FSHR: variants seen among roughly 807,000 people sequenced by gnomAD.
FSHR encodes follicle stimulating hormone receptor, also known as follicle-stimulating hormone receptor.
In FSHR, 46 loss-of-function variants were observed where a neutral mutation model predicts 52.1. That is an observed-to-expected ratio of 0.88 (90% CI 0.70 to 1.13). The LOEUF (loss-of-function observed/expected upper bound fraction) is 1.13. FSHR is among the 50% of genes most tolerant of loss of function. The probability of loss-of-function intolerance (pLI) is 0.00; values close to 1 mark genes in which losing one functional copy is unlikely to be tolerated. For synonymous variants in FSHR, 399 were observed against 309.6 expected, an observed-to-expected ratio of 1.29 and a Z score of -3.03; for missense variants, 964 against 834.6, an observed-to-expected ratio of 1.16 and a Z score of -1.91.
chr2:49,100,045 C>T (rs373164130), intron 1 of FSHR, among the ~76,000 whole-genome samples: 16 of 152,106 alleles, frequency 1.1e-4, no homozygotes, highest in East Asian at 9.7e-4. Flanking sequence ...AGCTCACTTT[C>T]GTAGAGCTTA....
At chr2:49,069,846 G>A (rs1195201873) in intron 1 of FSHR, among the ~76,000 whole-genome samples, 1 of 152,142 alleles carries the variant, frequency 6.6e-6, no homozygotes, top group African/African-American at 2.4e-5. Flanking sequence ...CTTTTACAAG[G>A]CAGTCTGTGA....
intron 2 of FSHR, among the ~76,000 whole-genome samples, chr2:49,037,530 A>T (rs1280218814): frequency 6.6e-6 from 1 of 152,222 alleles, no homozygotes; most frequent in Non-Finnish European, 1.5e-5. Context: ...AGTAACTTTA[A>T]TTGCTCAAAG....
chr2:49,011,510 T>A (rs893926966), intron 4 of FSHR, among the ~76,000 whole-genome samples: 12 of 152,098 alleles, frequency 7.9e-5, no homozygotes, highest in Admixed American at 1.3e-4. Flanking sequence ...ATTCTGTTGA[T>A]TTGGGGTGGA....
At chr2:49,142,714 T>C (rs992918022) in intron 1 of FSHR, among the ~76,000 whole-genome samples, 1 of 152,084 alleles carries the variant, frequency 6.6e-6, no homozygotes, top group African/African-American at 2.4e-5. Flanking sequence ...ATGGAAAAGG[T>C]AGGGGACATT....
chr2:48,966,143 T>A (rs1674468081), intron 9 of FSHR, among the ~76,000 whole-genome samples: 4 of 152,166 alleles, frequency 2.6e-5, no homozygotes. Context: ...ATTGTGGGAA[T>A]TAAATGAAAT....
In FSHR at chr2:49,111,259, G is replaced by A. The variant is rs531590066; in HGVS notation, c.153-42969C>T. On this transcript the variant is annotated intron_variant, in intron 1 of 9. Transcript: ENST00000406846. Reference sequence around the variant, plus strand: ...ATTACTTTATTCCTTCCCAGTAACTGTTCTGCCTCCTGAGCTCTTTTTTGG... The same window carrying A: ...ATTACTTTATTCCTTCCCAGTAACTATTCTGCCTCCTGAGCTCTTTTTTGG... 3.9e-5 allele frequency among the ~76,000 whole-genome samples: 6 copies of A among 152,272 alleles called. No individual in the cohort carries two copies. The South Asian group carries it at 8.3e-4, about 21-fold the overall frequency.
chr2:49,005,410 C>T (rs190723214), intron 4 of FSHR, among the ~76,000 whole-genome samples: 2 of 152,132 alleles, frequency 1.3e-5, no homozygotes, highest in Non-Finnish European at 2.9e-5. Context: ...TTGTAAATCT[C>T]GATTGTGCCC....
At chr2:49,015,336 G>C (rs1346862454) in intron 4 of FSHR, among the ~76,000 whole-genome samples, 1 of 152,188 alleles carries the variant, frequency 6.6e-6, no homozygotes, top group East Asian at 1.9e-4. Context: ...TTAATCGGCA[G>C]CATAATTATT....
chr2:48,970,929 T>C (rs1015130787), intron 8 of FSHR, among the ~76,000 whole-genome samples: 2 of 152,202 alleles, frequency 1.3e-5, no homozygotes, highest in African/African-American at 2.4e-5. Context: ...ATCAGCCTAC[T>C]TCCCTCCTCT....
At chr2:49,077,020 T>TA (rs1163341245) in intron 1 of FSHR, among the ~76,000 whole-genome samples, 1 of 152,172 alleles carries the variant, frequency 6.6e-6, no homozygotes, top group Admixed American at 6.5e-5. Flanking sequence ...TCGGTGGATC[T>TA]ACCATTCTGG....
At chr2:49,077,481 G>T (rs1006465850) in intron 1 of FSHR, among the ~76,000 whole-genome samples, 1 of 152,182 alleles carries the variant, frequency 6.6e-6, no homozygotes, top group African/African-American at 2.4e-5. Context: ...GAGAGCAGCT[G>T]CTGTGAAGAT....
intron 1 of FSHR, among the ~76,000 whole-genome samples, chr2:49,080,197 A>T (rs1670115455): frequency 6.6e-6 from 1 of 152,204 alleles, no homozygotes; most frequent in Admixed American, 6.6e-5. Flanking sequence ...AAAATCCCAC[A>T]GTATCCATGC....
At chr2:48,992,903 T>C (rs953078029) in intron 4 of FSHR, among the ~76,000 whole-genome samples, 16 of 152,172 alleles carry the variant, frequency 1.1e-4, no homozygotes, top group Non-Finnish European at 1.9e-4. Flanking sequence ...GTGACTGTCA[T>C]GCCAAAGTCT....
At chr2:48,987,020 A>G (rs1362549031) in intron 6 of FSHR, among the ~76,000 whole-genome samples, 1 of 152,160 alleles carries the variant, frequency 6.6e-6, no homozygotes, top group Non-Finnish European at 1.5e-5. Flanking sequence ...ATATTTCAAG[A>G]AAGATCCAAA....
chr2:49,066,142 CA>C (rs1669494599), intron 2 of FSHR, among the ~76,000 whole-genome samples: 1 of 152,030 alleles, frequency 6.6e-6, no homozygotes, highest in African/African-American at 2.4e-5. Flanking sequence ...ACTCTTTCAA[CA>C]CAGTGGTCTT....
chr2:49,109,572 G>T (rs1671352413), intron 1 of FSHR, among the ~76,000 whole-genome samples: 1 of 152,110 alleles, frequency 6.6e-6, no homozygotes, highest in Admixed American at 6.6e-5. Flanking sequence ...GGACTGGGGG[G>T]ACAGTGTGGT....
intron 1 of FSHR, among the ~76,000 whole-genome samples, chr2:49,150,543 ATC>A (rs1673025902): frequency 6.6e-6 from 1 of 152,068 alleles, no homozygotes; most frequent in African/African-American, 2.4e-5. Context: ...TCCTCATAGC[ATC>A]TCTGTCAGTT....
chr2:49,049,458 T>C (rs866450666), intron 2 of FSHR, among the ~76,000 whole-genome samples: 2 of 151,862 alleles, frequency 1.3e-5, no homozygotes, highest in South Asian at 2.1e-4. Flanking sequence ...CAATGAGAGG[T>C]ACCAAGCAGA....
Position 49,154,515 on chromosome 2 carries a change from T to C in FSHR, c.-98A>G, listed in dbSNP as rs1462075424. 7.6e-7 allele frequency: 1 copy of C among 1,322,674 alleles called. No homozygotes were observed. The highest frequency in any genetic ancestry group is 1.1e-6 in the Non-Finnish European group (1 of 925,886). 81.9% of individuals were successfully genotyped at this position (1,322,674 alleles called of 1,614,324 possible). A position where few individuals can be genotyped will look rare whatever the true frequency, so the allele number is the denominator to read the frequency against. On this transcript the variant is annotated 5_prime_UTR_variant, in exon 1 of 10. Transcript: ENST00000406846. ...CACAGTGCCCTTATGAGAAGAGATCTGACTTGAGAACTGGTAGGGTCATGT... is the reference window on the plus strand; with the variant it reads ...CACAGTGCCCTTATGAGAAGAGATCCGACTTGAGAACTGGTAGGGTCATGT...
Sources: gnomAD v4.1 joint callset for allele counts (sites outside exome capture counted in the v4.1 genomes callset) on GRCh38, gnomAD v4.1.1 for gene constraint, MANE v1.5 for transcripts, NCBI Gene and HGNC (gene_info 2026-07-23, HGNC 2026-07-21) for gene names.